FRMD4B: variants seen among roughly 807,000 people sequenced by gnomAD.
FRMD4B encodes the protein FERM domain-containing protein 4B.
FRMD4B carries 74 observed loss-of-function variants against 141.5 expected under a neutral mutation model. The observed-to-expected ratio is 0.52, with a 90% CI of 0.43 to 0.63. The LOEUF (loss-of-function observed/expected upper bound fraction) is 0.63. FRMD4B is among the 30% of genes least tolerant of loss of function. The probability of loss-of-function intolerance (pLI) is 0.00; values close to 1 mark genes in which losing one functional copy is unlikely to be tolerated. For missense variants in FRMD4B, 1,366 were observed against 1,253.4 expected (o/e 1.09, Z -1.36); for synonymous variants, 506 against 467.9 (o/e 1.08, Z -1.05).
chr3:69,336,203 C>A (rs1046277504), intron 1 of FRMD4B, among the ~76,000 whole-genome samples: 1 of 152,126 alleles, frequency 6.6e-6, no homozygotes, highest in South Asian at 2.1e-4. Flanking sequence ...GAACAAGAGA[C>A]AAGCTTAGAG....
intron 5 of FRMD4B, among the ~76,000 whole-genome samples, chr3:69,265,178 C>G (rs1419378047): frequency 7.1e-6 from 1 of 141,204 alleles, no homozygotes; most frequent in Non-Finnish European, 1.5e-5. Flanking sequence ...TTGCTTGAAC[C>G]CAGGAGGTGG....
intron 1 of FRMD4B, among the ~76,000 whole-genome samples, chr3:69,343,730 C>T (rs1702829423): frequency 6.6e-6 from 1 of 151,886 alleles, no homozygotes; most frequent in Non-Finnish European, 1.5e-5. Context: ...CAGGTGTGTG[C>T]CACCATACCT....
chr3:69,417,437 G>C (rs1017521460), intron 2 of FRMD4B, among the ~76,000 whole-genome samples: 2 of 152,124 alleles, frequency 1.3e-5, no homozygotes, highest in Non-Finnish European at 2.9e-5. Flanking sequence ...TGTAGATTCT[G>C]GATATTAGGC....
chr3:69,425,298 A>C (rs1266073381), intron 2 of FRMD4B, among the ~76,000 whole-genome samples: 1 of 152,230 alleles, frequency 6.6e-6, no homozygotes, highest in Non-Finnish European at 1.5e-5. Flanking sequence ...GCATGGAGTT[A>C]AAGTTCACAA....
intron 5 of FRMD4B, among the ~76,000 whole-genome samples, chr3:69,265,269 AATATATATATATAT>A (rs1175250592): frequency 0.033 from 772 of 23,376 alleles, 91 homozygotes; most frequent in Middle Eastern, 0.062. Flanking sequence ...AAAAAAAAAA[AATATATATATATAT>A]ATATATATAT....
rs549952532 is a variant in FRMD4B, at chr3:69,309,329, T to TG, written c.323+1933dup. On this transcript the variant is annotated intron_variant, in intron 3 of 22. Transcript: ENST00000398540. ...ATTTTTTTTTTTTTTTTCGTAGAGA[T>TG]GGGGTCTCACTATGTTGCCTAGGCT... 9.1e-5 allele frequency among the ~76,000 whole-genome samples: 13 copies of TG among 142,160 alleles called. No homozygotes were observed. The South Asian group carries it at 2.4e-3, about 26-fold the overall frequency. The allele number at this position is 142,160 out of a possible 152,430, so 93.3% of individuals were successfully genotyped here.
chr3:69,415,295 C>T (rs1704838578), intron 2 of FRMD4B, among the ~76,000 whole-genome samples: 1 of 152,166 alleles, frequency 6.6e-6, no homozygotes, highest in Non-Finnish European at 1.5e-5. Flanking sequence ...ACTGACTTCT[C>T]AAGGCTGGGC....
At chr3:69,441,703 G>T (rs1705346672) in intron 1 of FRMD4B, among the ~76,000 whole-genome samples, 1 of 152,162 alleles carries the variant, frequency 6.6e-6, no homozygotes, top group Non-Finnish European at 1.5e-5. Context: ...TGAGCTGAAT[G>T]GATAACTGAG....
At chr3:69,396,141 A>G (rs1357439523) in intron 2 of FRMD4B, among the ~76,000 whole-genome samples, 1 of 152,198 alleles carries the variant, frequency 6.6e-6, no homozygotes, top group Admixed American at 6.5e-5. Flanking sequence ...GCTGATATGA[A>G]CTATTGATCT....
chr3:69,225,169 C>T (rs985617940), intron 7 of FRMD4B, among the ~76,000 whole-genome samples: 1 of 152,140 alleles, frequency 6.6e-6, no homozygotes, highest in Non-Finnish European at 1.5e-5. Context: ...TTCCTTACAA[C>T]CCTCTGAAAT....
rs150987677 is a variant in FRMD4B, at chr3:69,258,511, T to A, written c.502-8412A>T. ...AAAAGTATAAATCCTGAAAAACAAT[T>A]TCAATTTGCAGTTTTTTTTTCAATA... On this transcript the variant is annotated intron_variant, in intron 5 of 22. Coordinates refer to ENST00000398540, the MANE Select transcript of FRMD4B (RefSeq NM_015123.3). 2.6e-4 allele frequency among the ~76,000 whole-genome samples: 39 copies of A among 152,302 alleles called. No individual in the cohort carries two copies. The East Asian group carries it at 6.6e-3, about 26-fold the overall frequency.
intron 7 of FRMD4B, among the ~76,000 whole-genome samples, chr3:69,240,946 G>C (rs758034006): frequency 6.6e-6 from 1 of 152,138 alleles, no homozygotes; most frequent in Non-Finnish European, 1.5e-5. Context: ...CGAATGCCAC[G>C]CATGCCTGTG....
At chr3:69,227,753 T>C (rs926483194) in intron 7 of FRMD4B, among the ~76,000 whole-genome samples, 7 of 152,118 alleles carry the variant, frequency 4.6e-5, no homozygotes, top group African/African-American at 1.7e-4. Context: ...GCACTGAAAC[T>C]ATTCTGTATG....
In FRMD4B at chr3:69,196,377, C is replaced by A; in HGVS notation, c.1112G>T (p.Arg371Met). The change falls in exon 14 of 23, where the codon AGG (arginine) becomes ATG (methionine). Residue 371 changes from arginine (R) to methionine (M), a missense_variant. Physicochemically the swap from Arg to Met is moderately conservative, Grantham distance 91. Coordinates refer to ENST00000398540, the MANE Select transcript of FRMD4B (RefSeq NM_015123.3). ...ATCCATTGCAATCTCATCTAAACTCCTGGCTGAAGGAATTTTTGCCTAAGA... is the reference window on the plus strand; with the variant it reads ...ATCCATTGCAATCTCATCTAAACTCATGGCTGAAGGAATTTTTGCCTAAGA... ...KQSKAKIPSARSLDEIAMDLT... is the reference protein window; with the variant it reads ...KQSKAKIPSAMSLDEIAMDLT... 1.2e-6 allele frequency: 2 copies of A among 1,609,894 alleles called. No individual in the cohort carries two copies. The highest frequency in any genetic ancestry group is 2.2e-5 in the South Asian group (2 of 89,922).
At chr3:69,241,126 T>C (rs1367037377) in intron 7 of FRMD4B, among the ~76,000 whole-genome samples, 10 of 152,246 alleles carry the variant, frequency 6.6e-5, no homozygotes, top group Admixed American at 6.5e-4. Context: ...GTGGTGTTAG[T>C]AACTGTCTAA....
intron 21 of FRMD4B, among the ~76,000 whole-genome samples, chr3:69,178,996 A>C (rs1421312145): frequency 6.6e-6 from 1 of 151,792 alleles, no homozygotes; most frequent in African/African-American, 2.4e-5. Flanking sequence ...TGCCAGGACT[A>C]ATCTGGCAAA....
intron 1 of FRMD4B, chr3:69,471,376 G>C (rs1482851625): frequency 9.2e-6 from 2 of 217,736 alleles, no homozygotes; most frequent in African/African-American, 2.3e-5. Context: ...TGTAAAGATA[G>C]CCTCACTCAT....
At chr3:69,485,106 T>G (rs1706192658) in intron 1 of FRMD4B, among the ~76,000 whole-genome samples, 1 of 151,908 alleles carries the variant, frequency 6.6e-6, no homozygotes, top group African/African-American at 2.4e-5. Context: ...CAACTTCCCC[T>G]CCCCTGCTCC....
At chr3:69,477,962 T>C (rs2047112655) in intron 1 of FRMD4B, among the ~76,000 whole-genome samples, 1 of 152,162 alleles carries the variant, frequency 6.6e-6, no homozygotes, top group South Asian at 2.1e-4. Context: ...AATTTATCCA[T>C]TTCTTCTAGA....
Sources: allele counts gnomAD v4.1 joint callset (sites outside exome capture counted in the v4.1 genomes callset), GRCh38; gene constraint gnomAD v4.1.1; transcripts MANE v1.5; gene names NCBI Gene and HGNC (gene_info 2026-07-23, HGNC 2026-07-21).